The following MET variants were observed in gnomAD, a reference collection of about 807,000 sequenced individuals.
MET encodes the protein MET proto-oncogene, receptor tyrosine kinase.
A neutral mutation model predicts 133.1 loss-of-function variants in MET; 48 were observed. The observed-to-expected ratio is 0.36, with a 90% CI of 0.29 to 0.46. The LOEUF is 0.46. Ranked by LOEUF, MET falls within the 20% of genes least tolerant of loss-of-function variation. The probability of loss-of-function intolerance (pLI) is 1.00; values close to 1 mark genes in which losing one functional copy is unlikely to be tolerated. For missense variants in MET, 1,442 were observed against 1,695.9 expected (o/e 0.85, Z 2.63); for synonymous variants, 628 against 616.5 (o/e 1.02, Z -0.28).
chr7:116,739,823 G>A, intron 3 of MET, 127 bp from the exon 4 acceptor site: 1 of 1,304,106 alleles, frequency 7.7e-7, no homozygotes, highest in Non-Finnish European at 1.1e-6. Context: ...GAGGGGAACT[G>A]TTGGGTCTTC....
intron 1 of MET, among the ~76,000 whole-genome samples, chr7:116,690,114 G>A (rs1360515898): frequency 8.5e-5 from 13 of 152,112 alleles, no homozygotes; most frequent in Non-Finnish European, 1.5e-5. Context: ...CTCACCCAAG[G>A]GACTGTGCCA....
chr7:116,784,286 A>G (rs927012268), intron 19 of MET, among the ~76,000 whole-genome samples: 1 of 152,248 alleles, frequency 6.6e-6, no homozygotes, highest in Admixed American at 6.5e-5. Flanking sequence ...TGAACTAGAG[A>G]GTATGGAATT....
chr7:116,772,888 C>T (rs1353976564), intron 14 of MET, among the ~76,000 whole-genome samples: 4 of 152,100 alleles, frequency 2.6e-5, no homozygotes, highest in African/African-American at 4.8e-5. Context: ...TGTCTTTGCC[C>T]TGATTCCATT....
chr7:116,779,434 A>G (rs1441065788), intron 17 of MET, among the ~76,000 whole-genome samples: 1 of 152,160 alleles, frequency 6.6e-6, no homozygotes, highest in Admixed American at 6.5e-5. Context: ...GCAAATAGCC[A>G]CGTATCTCAC....
At chr7:116,745,701 T>C (rs1215172960) in intron 5 of MET, among the ~76,000 whole-genome samples, 1 of 152,234 alleles carries the variant, frequency 6.6e-6, no homozygotes, top group Non-Finnish European at 1.5e-5. Flanking sequence ...ATTTAACAAA[T>C]GGTGCTGGGA....
At chr7:116,746,304 A>C (rs1223210994) in intron 5 of MET, among the ~76,000 whole-genome samples, 4 of 152,238 alleles carry the variant, frequency 2.6e-5, no homozygotes, top group Non-Finnish European at 5.9e-5. Context: ...GGATGTGGAG[A>C]AATAGGAACA....
chr7:116,763,775 A>G (rs1794503504), intron 11 of MET, among the ~76,000 whole-genome samples: 1 of 152,216 alleles, frequency 6.6e-6, no homozygotes, highest in Non-Finnish European at 1.5e-5. Context: ...TTAATAGAGA[A>G]TAACAGATCA....
At chr7:116,683,913 T>G (rs1392720195) in intron 1 of MET, among the ~76,000 whole-genome samples, 1 of 152,230 alleles carries the variant, frequency 6.6e-6, no homozygotes, top group Non-Finnish European at 1.5e-5. Flanking sequence ...TCCTTTCTAC[T>G]TACAAAACAC....
chr7:116,717,329 A>T (rs1792282240), intron 2 of MET, among the ~76,000 whole-genome samples: 3 of 152,164 alleles, frequency 2.0e-5, no homozygotes, highest in Admixed American at 2.0e-4. Flanking sequence ...ACAGCGCCAG[A>T]CCCTGAAATT....
At chr7:116,776,046 A>G (rs1433913527) in intron 15 of MET, among the ~76,000 whole-genome samples, 1 of 152,212 alleles carries the variant, frequency 6.6e-6, no homozygotes, top group East Asian at 1.9e-4. Context: ...AAAAACCGGG[A>G]AATGAACTTC....
chr7:116,766,427 G>A (rs1794631568), intron 11 of MET, among the ~76,000 whole-genome samples: 1 of 152,164 alleles, frequency 6.6e-6, no homozygotes, highest in South Asian at 2.1e-4. Flanking sequence ...AGGAGGTGAA[G>A]CATCAGTGTG....
In MET at chr7:116,700,862, C is replaced by T. The variant is rs1390659298; in HGVS notation, c.1200+578C>T. Reference sequence around the variant, plus strand: ...TAAATAAAACATTTTTAAATGAGCTCGTATACTTCTCTAAATAACCTGTAA... The same window carrying T: ...TAAATAAAACATTTTTAAATGAGCTTGTATACTTCTCTAAATAACCTGTAA... On this transcript the variant is annotated intron_variant, in intron 2 of 20. Transcript: ENST00000397752. Among the ~76,000 whole-genome samples the T allele has an allele frequency of 2.0e-5, 3 of 152,268 alleles. No individual in the cohort carries two copies. In the East Asian group the frequency reaches 5.8e-4, roughly 29 times the overall value.
chr7:116,784,176 A>G (rs1033245540), intron 19 of MET, among the ~76,000 whole-genome samples: 1 of 152,234 alleles, frequency 6.6e-6, no homozygotes, highest in Non-Finnish European at 1.5e-5. Flanking sequence ...ATAAGGAAAC[A>G]GTACTTAGTT....
At chr7:116,688,049 C>G (rs940188755) in intron 1 of MET, among the ~76,000 whole-genome samples, 1 of 152,182 alleles carries the variant, frequency 6.6e-6, no homozygotes, top group African/African-American at 2.4e-5. Flanking sequence ...TGGAATTGTA[C>G]CATGCTTTAT....
intron 14 of MET, among the ~76,000 whole-genome samples, chr7:116,774,155 A>G (rs985042800): frequency 3.9e-5 from 6 of 152,192 alleles, no homozygotes; most frequent in Admixed American, 2.0e-4. Context: ...GAAATAAAAA[A>G]AAAAATTCTC....
chr7:116,696,157 C>T (rs1796959150), intron 1 of MET, among the ~76,000 whole-genome samples: 2 of 152,166 alleles, frequency 1.3e-5, no homozygotes, highest in African/African-American at 4.8e-5. Flanking sequence ...GCATGAACCA[C>T]CGCGCTCAGC....
At chr7:116,691,057 T>C (rs1045743701) in intron 1 of MET, among the ~76,000 whole-genome samples, 3 of 152,234 alleles carry the variant, frequency 2.0e-5, no homozygotes, top group Non-Finnish European at 2.9e-5. Context: ...CAAGTCTTCC[T>C]GGAGATTTAG....
intron 1 of MET, among the ~76,000 whole-genome samples, chr7:116,674,786 GCC>G (rs1296978574): frequency 6.6e-6 from 1 of 152,128 alleles, no homozygotes; most frequent in Non-Finnish European, 1.5e-5. Flanking sequence ...GGCCTTCCGT[GCC>G]CCCATTTCTC....
At chr7:116,709,550 A>AT (rs1430424200) in intron 2 of MET, among the ~76,000 whole-genome samples, 1 of 151,886 alleles carries the variant, frequency 6.6e-6, no homozygotes, top group South Asian at 2.1e-4. Flanking sequence ...CTTTGTGTTC[A>AT]TTTTTTTTAT....
Sources: allele counts gnomAD v4.1 joint callset (sites outside exome capture counted in the v4.1 genomes callset), GRCh38; gene constraint gnomAD v4.1.1; transcripts MANE v1.5; gene names NCBI Gene and HGNC (gene_info 2026-07-23, HGNC 2026-07-21).